The following RABGEF1 variants were observed in gnomAD, a reference collection of about 807,000 sequenced individuals.
RABGEF1 encodes the protein RAB guanine nucleotide exchange factor 1.
In RABGEF1, 26 loss-of-function variants were observed where a neutral mutation model predicts 57.3. That is an observed-to-expected ratio of 0.45 (90% confidence interval 0.33 to 0.63). The LOEUF is 0.63. Ranked by LOEUF, RABGEF1 falls within the 20% of genes least tolerant of loss-of-function variation. The pLI is 0.02. For missense variants in RABGEF1, 464 were observed against 607.6 expected (o/e 0.76, Z 2.48); for synonymous variants, 185 against 210.7 (o/e 0.88, Z 1.06).
chr7:66,686,042 G>C lies in RABGEF1; in HGVS notation c.-873+3784G>C, dbSNP rs1416789100. 5.3e-5 allele frequency among the ~76,000 whole-genome samples: 8 copies of C among 152,288 alleles called. No individual in the cohort carries two copies. In the East Asian group the frequency reaches 1.5e-3, roughly 29 times the overall value. On this transcript the variant is annotated intron_variant and NMD_transcript_variant, in intron 1 of 9. Transcript: ENST00000607882. ...GCCTGTAATCCCAACACTTTGGGAAGCTGAGGTGGGCAGATCACTTAAGGC... is the reference window on the plus strand; with the variant it reads ...GCCTGTAATCCCAACACTTTGGGAACCTGAGGTGGGCAGATCACTTAAGGC...
intron 7 of RABGEF1, 109 bp from the exon 8 acceptor site, chr7:66,805,031 G>A: frequency 8.2e-7 from 1 of 1,218,054 alleles, no homozygotes. Context: ...TGCTGGAAAA[G>A]GGGTTAATAA....
intron 1 of RABGEF1, among the ~76,000 whole-genome samples, chr7:66,693,548 C>T (rs1181992555): frequency 2.0e-5 from 3 of 152,074 alleles, no homozygotes; most frequent in Non-Finnish European, 4.4e-5. Context: ...GGCTGCCAGC[C>T]CTCCTGGCTC....
upstream of RABGEF1, among the ~76,000 whole-genome samples, chr7:66,736,261 A>T (rs1277833358): frequency 6.6e-6 from 1 of 152,206 alleles, no homozygotes; most frequent in Non-Finnish European, 1.5e-5. Context: ...ATTACTATGG[A>T]GCACAGCAGA....
chr7:66,790,617 C>A (rs910272783), intron 4 of RABGEF1, among the ~76,000 whole-genome samples: 2 of 152,166 alleles, frequency 1.3e-5, no homozygotes, highest in African/African-American at 2.4e-5. Context: ...ACAAGATTTT[C>A]TTTTCTTTAA....
At chr7:66,756,164 C>G (rs941838398) in intron 1 of RABGEF1, 1 of 796,778 alleles carries the variant, frequency 1.3e-6, no homozygotes. Flanking sequence ...ATCAGTTATT[C>G]AAAGAAAATA....
intron 1 of RABGEF1, among the ~76,000 whole-genome samples, chr7:66,705,443 A>AAGACAGACAG (rs540794271): frequency 4.5e-5 from 3 of 66,350 alleles, no homozygotes; most frequent in African/African-American, 1.5e-4. Flanking sequence ...TCTCGAAAGA[A>AAGACAGACAG]AGAGAGAGAG....
chr7:66,711,896 A>T (rs536739520), intron 1 of RABGEF1, among the ~76,000 whole-genome samples: 1 of 152,134 alleles, frequency 6.6e-6, no homozygotes, highest in African/African-American at 2.4e-5. Flanking sequence ...TGTATACTCT[A>T]TTCTTTTGCA....
chr7:66,696,944 G>A (rs1273545187), intron 1 of RABGEF1, among the ~76,000 whole-genome samples: 1 of 152,154 alleles, frequency 6.6e-6, no homozygotes, highest in Non-Finnish European at 1.5e-5. Flanking sequence ...AGCTGGCCAT[G>A]GGGGATGGGG....
chr7:66,702,737 C>T (rs957004211), intron 1 of RABGEF1, among the ~76,000 whole-genome samples: 1 of 152,062 alleles, frequency 6.6e-6, no homozygotes, highest in Non-Finnish European at 1.5e-5. Flanking sequence ...TGATGTTGAA[C>T]AGATTTTCAT....
At chr7:66,773,291 C>T (rs1423980891) in intron 2 of RABGEF1, among the ~76,000 whole-genome samples, 1 of 152,166 alleles carries the variant, frequency 6.6e-6, no homozygotes, top group African/African-American at 2.4e-5. Context: ...GTTTCAAAAA[C>T]AGAGTAGAGG....
upstream of RABGEF1, chr7:66,682,107 T>A (rs969145799): frequency 6.0e-6 from 1 of 167,732 alleles, no homozygotes; most frequent in African/African-American, 2.4e-5. Context: ...GCGCTGGCGG[T>A]GCCGGGGGGG....
intron 1 of RABGEF1, among the ~76,000 whole-genome samples, chr7:66,691,926 ACG>A (rs1306144207): frequency 2.0e-5 from 3 of 152,038 alleles, no homozygotes; most frequent in African/African-American, 7.2e-5. Flanking sequence ...GTGTGCTGGC[ACG>A]CATCTGTAGT....
the RABGEF1 span, among the ~76,000 whole-genome samples, chr7:66,655,296 T>G: frequency 6.6e-6 from 1 of 152,016 alleles, no homozygotes; most frequent in African/African-American, 2.4e-5. Context: ...CACGGCAGTT[T>G]AGGGAGAGAG....
At chr7:66,782,678 T>G (rs1451217915) in intron 3 of RABGEF1, among the ~76,000 whole-genome samples, 1 of 152,024 alleles carries the variant, frequency 6.6e-6, no homozygotes, top group East Asian at 1.9e-4. Flanking sequence ...ACTCGGAGAC[T>G]TGAGTAGCTC....
At chr7:66,682,733 G>C (rs1200620336) in intron 1 of RABGEF1, among the ~76,000 whole-genome samples, 3 of 152,164 alleles carry the variant, frequency 2.0e-5, no homozygotes, top group Admixed American at 2.0e-4. Flanking sequence ...TTGATCCCGC[G>C]TCGCCCTGGG....
chr7:66,800,420 A>G (rs766777924), intron 7 of RABGEF1, among the ~76,000 whole-genome samples: 5 of 152,038 alleles, frequency 3.3e-5, no homozygotes, highest in Non-Finnish European at 7.4e-5. Flanking sequence ...GCTTCTCTTT[A>G]TCTTCCCGTG....
At chr7:66,701,043 A>G (rs1426581136) in intron 1 of RABGEF1, among the ~76,000 whole-genome samples, 1 of 152,064 alleles carries the variant, frequency 6.6e-6, no homozygotes, top group Non-Finnish European at 1.5e-5. Context: ...CTGGGCTTGA[A>G]TGAGGAAGAG....
intron 1 of RABGEF1, among the ~76,000 whole-genome samples, chr7:66,763,060 C>T (rs563456746): frequency 2.6e-5 from 4 of 152,270 alleles, no homozygotes; most frequent in African/African-American, 7.2e-5. Flanking sequence ...TTCAGTGGTG[C>T]AGTCATAGCT....
chr7:66,662,944 G>T, the RABGEF1 span, among the ~76,000 whole-genome samples: 1 of 152,124 alleles, frequency 6.6e-6, no homozygotes, highest in Non-Finnish European at 1.5e-5. Flanking sequence ...GCAGGTGTGC[G>T]TGTGCAGGCA....
Sources: allele counts gnomAD v4.1 joint callset (sites outside exome capture counted in the v4.1 genomes callset), GRCh38; gene constraint gnomAD v4.1.1; transcripts MANE v1.5; gene names NCBI Gene and HGNC (gene_info 2026-07-23, HGNC 2026-07-21).